The following DPP10 variants were observed in gnomAD, a reference collection of about 807,000 sequenced individuals.
DPP10 encodes inactive dipeptidyl peptidase 10.
Under a neutral mutation model 120.9 loss-of-function variants are expected in DPP10, and 33 were observed. The observed-to-expected ratio is 0.27, with a 90% CI of 0.21 to 0.37. The LOEUF (loss-of-function observed/expected upper bound fraction) is 0.37. Ranked by LOEUF, DPP10 falls within the 10% of genes least tolerant of loss-of-function variation. DPP10 has a pLI of 1.00. For synonymous variants in DPP10, 337 were observed against 326.1 expected, an observed-to-expected ratio of 1.03 and a Z score of -0.36; for missense variants, 816 against 942.8, an observed-to-expected ratio of 0.87 and a Z score of 1.76.
chr2:115,091,218 G>T (rs1709227696), intron 1 of DPP10, among the ~76,000 whole-genome samples: 1 of 152,120 alleles, frequency 6.6e-6, no homozygotes, highest in African/African-American at 2.4e-5. Flanking sequence ...TTCCTCTCCT[G>T]TTCTACCTTG....
chr2:115,360,763 GT>G, intron 3 of DPP10, among the ~76,000 whole-genome samples: 1 of 152,296 alleles, frequency 6.6e-6, no homozygotes, highest in East Asian at 1.9e-4. Context: ...GAGACCCGTA[GT>G]CCCCTAGGGG....
chr2:114,803,460 A>T, intron 1 of DPP10, among the ~76,000 whole-genome samples: 1 of 152,186 alleles, frequency 6.6e-6, no homozygotes. Flanking sequence ...GAAGAGAGAA[A>T]AATGTGGGAA....
intron 1 of DPP10, among the ~76,000 whole-genome samples, chr2:114,604,322 A>G (rs1652197987): frequency 6.6e-6 from 1 of 152,074 alleles, no homozygotes; most frequent in South Asian, 2.1e-4. Context: ...AGACCTTTAT[A>G]TGGATAGCAG....
intron 7 of DPP10, among the ~76,000 whole-genome samples, chr2:115,694,444 AGAATATTGAGGAGAACTTTC>A (rs2149511751): frequency 6.6e-6 from 1 of 152,318 alleles, no homozygotes; most frequent in South Asian, 2.1e-4. Flanking sequence ...GTTAGAACTC[AGAATATTGAGGAGAACTTTC>A]AATAGCACTA....
chr2:114,909,647 A>G (rs964148745), intron 1 of DPP10, among the ~76,000 whole-genome samples: 3 of 152,080 alleles, frequency 2.0e-5, no homozygotes, highest in African/African-American at 7.2e-5. Context: ...TCTTAGCTAC[A>G]AGTCAGAAGT....
In DPP10 at chr2:115,192,987, A is replaced by G. The variant is rs185376991; in HGVS notation, c.61-116252A>G. On this transcript the variant is annotated intron_variant, in intron 1 of 25. Coordinates refer to ENST00000410059, the MANE Select transcript of DPP10 (RefSeq NM_020868.6). Reference sequence around the variant, plus strand: ...ACTTTAAAACAAAAAAAAAATTTTTAACCTTTTAATGTAGGTATGAATCCA... The same window carrying G: ...ACTTTAAAACAAAAAAAAAATTTTTGACCTTTTAATGTAGGTATGAATCCA... 5.0e-3 allele frequency among the ~76,000 whole-genome samples: 758 copies of G among 152,138 alleles called. 4 individuals are homozygous for G. Among genetic ancestry groups the G allele is most frequent in the Non-Finnish European group, 9.5e-3 (644 of 67,972 alleles).
chr2:114,956,986 CAAAA>C (rs764400761), intron 1 of DPP10, among the ~76,000 whole-genome samples: 2 of 106,972 alleles, frequency 1.9e-5, no homozygotes, highest in East Asian at 5.7e-4. Context: ...TAAAACTATT[CAAAA>C]AAAAAAAAAA....
chr2:114,725,071 A>T (rs1701957087), intron 1 of DPP10, among the ~76,000 whole-genome samples: 1 of 152,198 alleles, frequency 6.6e-6, no homozygotes, highest in African/African-American at 2.4e-5. Context: ...ACAACTTCGT[A>T]TCAGCCCACT....
chr2:115,780,179 A>ATAT (rs1682583347), intron 15 of DPP10, among the ~76,000 whole-genome samples: 1 of 152,010 alleles, frequency 6.6e-6, no homozygotes, highest in Non-Finnish European at 1.5e-5. Flanking sequence ...AAACAATTTG[A>ATAT]TAAATGAAAT....
At chr2:115,114,149 G>A (rs1451874002) in intron 1 of DPP10, among the ~76,000 whole-genome samples, 11 of 152,084 alleles carry the variant, frequency 7.2e-5, no homozygotes, top group African/African-American at 2.4e-4. Flanking sequence ...TAGTGTCAGC[G>A]AACTTTCTCA....
At chr2:115,518,021 A>G (rs567749267) in intron 4 of DPP10, among the ~76,000 whole-genome samples, 27 of 152,330 alleles carry the variant, frequency 1.8e-4, no homozygotes, top group Admixed American at 9.2e-4. Flanking sequence ...CAGAGATAAC[A>G]TGGTGAGAAA....
chr2:114,761,104 A>G (rs1049218968), intron 1 of DPP10, among the ~76,000 whole-genome samples: 1 of 152,196 alleles, frequency 6.6e-6, no homozygotes, highest in Non-Finnish European at 1.5e-5. Flanking sequence ...AATTTGCCCA[A>G]TGTCGTATAA....
chr2:114,631,516 T>A lies in DPP10; in HGVS notation c.60+188678T>A, dbSNP rs541370992. ...AGCATTTGGATGACTCTGTTAATGA[T>A]CTGAGAGTACTTTTGGGGACTAAAG... On this transcript the variant is annotated intron_variant, in intron 1 of 25. Transcript: ENST00000410059. Among the ~76,000 whole-genome samples the A allele has an allele frequency of 7.9e-5, 12 of 152,284 alleles. No individual in the cohort carries two copies. In the East Asian group the frequency reaches 2.1e-3, roughly 27 times the overall value.
At chr2:115,453,602 T>C (rs2073295929) in intron 3 of DPP10, among the ~76,000 whole-genome samples, 1 of 151,600 alleles carries the variant, frequency 6.6e-6, no homozygotes, top group Admixed American at 6.6e-5. Flanking sequence ...AAGACTAAAA[T>C]CCAACATTTC....
At chr2:115,181,479 T>A (rs2054076332) in intron 1 of DPP10, among the ~76,000 whole-genome samples, 1 of 152,202 alleles carries the variant, frequency 6.6e-6, no homozygotes, top group Admixed American at 6.5e-5. Flanking sequence ...TTGTATATTG[T>A]TGCTTTTTCA....
In DPP10 at chr2:114,949,304, A is replaced by G. The variant is rs527237753; in HGVS notation, c.61-359935A>G. Among the ~76,000 whole-genome samples the G allele has an allele frequency of 6.6e-5, 10 of 152,146 alleles. No individual in the cohort carries two copies. The East Asian group carries it at 1.9e-3, about 29-fold the overall frequency. ...ACAGCATGGGGGAAGCACCTCCATAATCCAGTCACCTCCCAGCAGGTCCCT... is the reference window on the plus strand; with the variant it reads ...ACAGCATGGGGGAAGCACCTCCATAGTCCAGTCACCTCCCAGCAGGTCCCT... On this transcript the variant is annotated intron_variant, in intron 1 of 25. Coordinates refer to ENST00000410059, the MANE Select transcript of DPP10 (RefSeq NM_020868.6).
chr2:115,659,061 T>C (rs1558990890), intron 5 of DPP10, among the ~76,000 whole-genome samples: 1 of 152,100 alleles, frequency 6.6e-6, no homozygotes, highest in African/African-American at 2.4e-5. Context: ...TATTATTGAG[T>C]GGGTTAGTTA....
chr2:114,988,132 T>C (rs956100831), intron 1 of DPP10, among the ~76,000 whole-genome samples: 2 of 152,164 alleles, frequency 1.3e-5, no homozygotes, highest in Non-Finnish European at 2.9e-5. Context: ...TTCATCTTCA[T>C]GTGCATCTCC....
chr2:115,398,323 G>A (rs774355006), intron 3 of DPP10, among the ~76,000 whole-genome samples: 3 of 151,964 alleles, frequency 2.0e-5, no homozygotes, highest in Non-Finnish European at 2.9e-5. Flanking sequence ...ATTGAGTCAC[G>A]CCTGAAGCAA....
Sources: allele counts gnomAD v4.1 joint callset (sites outside exome capture counted in the v4.1 genomes callset), GRCh38; gene constraint gnomAD v4.1.1; transcripts MANE v1.5; gene names NCBI Gene and HGNC (gene_info 2026-07-23, HGNC 2026-07-21).